Variants in CDC34 observed in about 807,000 individuals in gnomAD.
The protein encoded by CDC34 is cell division cycle 34, ubiquitin conjugating enzyme, also known as ubiquitin-conjugating enzyme E2 R1.
A neutral mutation model predicts 26.8 loss-of-function variants in CDC34; 18 were observed. The observed-to-expected ratio is 0.67, with a 90% CI of 0.47 to 1.00. The LOEUF (loss-of-function observed/expected upper bound fraction) is 1.00, where lower values mean the gene tolerates loss of function less well. Ranked by LOEUF, CDC34 falls within the 50% of genes least tolerant of loss-of-function variation. The pLI is 0.00. For synonymous variants in CDC34, 178 were observed against 147.5 expected (o/e 1.21, Z -1.50); for missense variants, 280 against 334.5 (o/e 0.84, Z 1.27).
intron 4 of CDC34, chr19:541,135 A>G: frequency 1.6e-6 from 1 of 626,216 alleles, no homozygotes; most frequent in Non-Finnish European, 2.6e-6. Context: ...TCCCACCCGC[A>G]CCTCCTGCCC....
intron 1 of CDC34, among the ~76,000 whole-genome samples, chr19:532,769 T>C (rs961127062): frequency 4.6e-5 from 7 of 152,194 alleles, no homozygotes; most frequent in African/African-American, 1.4e-4. Flanking sequence ...CATCCCCTGC[T>C]TTATGTAACC....
chr19:541,041 A>ATT (rs1267157588), intron 4 of CDC34, among the ~76,000 whole-genome samples: 1 of 151,810 alleles, frequency 6.6e-6, no homozygotes, highest in African/African-American at 2.4e-5. Context: ...CGGCATCGTT[A>ATT]TTTTCTCCCA....
At chr19:532,567 G>GC (rs1325217469) in intron 1 of CDC34, among the ~76,000 whole-genome samples, 1 of 152,150 alleles carries the variant, frequency 6.6e-6, no homozygotes, top group African/African-American at 2.4e-5. Flanking sequence ...AGACAAAGAG[G>GC]CCCCCCCAGA....
In CDC34 at chr19:537,903, C is replaced by T. The variant is rs528813518; in HGVS notation, c.497+756C>T. Among the ~76,000 whole-genome samples the T allele has an allele frequency of 1.1e-4, 16 of 152,022 alleles. 1 individual carries two copies. The South Asian group carries it at 2.3e-3, about 22-fold the overall frequency. On this transcript the variant is annotated intron_variant, in intron 4 of 4. Coordinates refer to ENST00000215574, the MANE Select transcript of CDC34 (RefSeq NM_004359.2). Reference sequence around the variant, plus strand: ...AACTCCTGACCTCAGGTGATCCACCCGCCTCGGCCTCCCAAAGTGCTGGGA... The same window carrying T: ...AACTCCTGACCTCAGGTGATCCACCTGCCTCGGCCTCCCAAAGTGCTGGGA...
chr19:531,918 C>G lies in CDC34; in HGVS notation c.-14C>G. The stretch of plus-strand genomic sequence containing the variant: ...CCCCGCGCTGCTCCGACCCCGGGCC[C>G]CTCCGCCGCCGCCATGGCTCGGCCG... On this transcript the variant is annotated 5_prime_UTR_variant, in exon 1 of 5. Coordinates refer to ENST00000215574, the MANE Select transcript of CDC34 (RefSeq NM_004359.2). 7.1e-7 allele frequency: 1 copy of G among 1,408,116 alleles called. No individual in the cohort carries two copies. The highest frequency in any genetic ancestry group is 1.5e-5 in the African/African-American group (1 of 65,344). The allele number at this position is 1,408,116 out of a possible 1,614,324, so 87.2% of individuals were successfully genotyped here. A position where few individuals can be genotyped will look rare whatever the true frequency, so the allele number is the denominator to read the frequency against.
At chr19:534,150 C>T (rs903164823) in intron 1 of CDC34, among the ~76,000 whole-genome samples, 1 of 152,188 alleles carries the variant, frequency 6.6e-6, no homozygotes, top group African/African-American at 2.4e-5. Context: ...TCAAGGATTG[C>T]CGCCTGAAAC....
rs1461686890 is a variant in CDC34 at position 541,700 on chromosome 19, C to G, written c.*148C>G. Reference sequence around the variant, plus strand: ...CTTTTTCTCCCTCCCCATGTCTGTTCTGGGTTTTCACGTGCTTCAGAGAAG... The same window carrying G: ...CTTTTTCTCCCTCCCCATGTCTGTTGTGGGTTTTCACGTGCTTCAGAGAAG... On this transcript the variant is annotated 3_prime_UTR_variant, in exon 5 of 5. Transcript: ENST00000215574. 4.5e-6 allele frequency: 4 copies of G among 888,268 alleles called. No homozygotes were observed. Among genetic ancestry groups the G allele is most frequent in the African/African-American group, 1.7e-5 (1 of 58,716 alleles). 55.0% of individuals were successfully genotyped at this position (888,268 alleles called of 1,614,324 possible).
chr19:541,678 T>C lies in CDC34; in HGVS notation c.*126T>C. On this transcript the variant is annotated 3_prime_UTR_variant, in exon 5 of 5. Transcript: ENST00000215574. The stretch of plus-strand genomic sequence containing the variant: ...TCCTCTGGTTGTTTCGTTTTGGCTT[T>C]TTCTCCCTCCCCATGTCTGTTCTGG... 1 of 1,128,596 alleles carries C rather than the reference T, an allele frequency of 8.9e-7. No homozygotes were observed. The highest frequency in any genetic ancestry group is 1.2e-6 in the Non-Finnish European group (1 of 822,106). 69.9% of individuals were successfully genotyped at this position (1,128,596 alleles called of 1,614,324 possible).
Position 536,426 on chromosome 19 carries a change from C to T in CDC34, c.362+86C>T, listed in dbSNP as rs17841750. 5,792 of 1,076,260 alleles carry T rather than the reference C, an allele frequency of 5.4e-3. 141 individuals carry two copies. In the African/African-American group the frequency reaches 0.063, roughly 12 times the overall value. The allele number at this position is 1,076,260 out of a possible 1,614,324, so 66.7% of individuals were successfully genotyped here. A position where few individuals can be genotyped will look rare whatever the true frequency, so the allele number is the denominator to read the frequency against. On this transcript the variant is annotated intron_variant, in intron 3 of 4. Coordinates refer to ENST00000215574, the MANE Select transcript of CDC34 (RefSeq NM_004359.2). ...TATCCACCCAGACCATCAGGTAGGC[C>T]GGGCTCCCCCACAGGCTGTGGCGCC...
rs1269663966 is a variant in CDC34, at chr19:536,248, G to A, written c.270G>A (p.Gly90=). Residue 90 remains glycine (G), a synonymous_variant, in exon 3 of 5, where the codon GGG becomes GGA. Coordinates refer to ENST00000215574, the MANE Select transcript of CDC34 (RefSeq NM_004359.2). The part of the protein sequence containing the change: ...KMWHPNIYET[G]DVCISILHPP... Reference sequence around the variant, plus strand: ...CCTGTCTTCTTCTTGTGCAGACGGGGGACGTGTGTATCTCCATCCTCCACC... The same window carrying A: ...CCTGTCTTCTTCTTGTGCAGACGGGAGACGTGTGTATCTCCATCCTCCACC... The A allele has an allele frequency of 4.4e-6, 7 of 1,604,586 alleles. No homozygotes were observed. Among genetic ancestry groups the A allele is most frequent in the Non-Finnish European group, 6.0e-6 (7 of 1,176,274 alleles).
intron 1 of CDC34, among the ~76,000 whole-genome samples, chr19:535,594 G>A (rs553149201): frequency 5.3e-5 from 8 of 152,338 alleles, no homozygotes; most frequent in African/African-American, 1.9e-4. Context: ...GCTGGGCCGG[G>A]TCCCGGCCAC....
intron 1 of CDC34, 139 bp downstream of exon 1, chr19:532,247 A>C: frequency 3.4e-6 from 2 of 585,748 alleles, no homozygotes; most frequent in Non-Finnish European, 5.5e-6. Context: ...TTTCCCTTCT[A>C]TGGCCACGTT....
intron 4 of CDC34, chr19:539,051 A>G (rs893022960): frequency 1.0e-6 from 1 of 969,178 alleles, no homozygotes; most frequent in African/African-American, 1.8e-5. Flanking sequence ...CTGTGGGCCA[A>G]CACACATGTG....
At chr19:535,239 C>T (rs983612527) in intron 1 of CDC34, among the ~76,000 whole-genome samples, 2 of 152,338 alleles carry the variant, frequency 1.3e-5, no homozygotes, top group African/African-American at 4.8e-5. Flanking sequence ...TGCCAGGTTT[C>T]TGTGACCTAT....
chr19:541,882 G>GGGGCGCTGCTGGGAACGT lies in CDC34; in HGVS notation c.*336_*353dup, dbSNP rs1192187507. On this transcript the variant is annotated 3_prime_UTR_variant, in exon 5 of 5. Coordinates refer to ENST00000215574, the MANE Select transcript of CDC34 (RefSeq NM_004359.2). ...CTGGCCGCACCCCGGAGGAGCCACG[G>GGGGCGCTGCTGGGAACGT]GGGCGCTGCTGGGAACGTGGGCGGG... The GGGGCGCTGCTGGGAACGT allele has an allele frequency of 9.9e-6, 2 of 202,052 alleles. No homozygotes were observed. The highest frequency in any genetic ancestry group is 2.0e-5 in the Non-Finnish European group (2 of 99,918). The allele number at this position is 202,052 out of a possible 1,614,324, so 12.5% of individuals were successfully genotyped here.
intron 4 of CDC34, among the ~76,000 whole-genome samples, chr19:537,750 G>A (rs936822928): frequency 6.9e-6 from 1 of 144,216 alleles, no homozygotes; most frequent in Non-Finnish European, 1.5e-5. Context: ...CCACTACTCG[G>A]GTTGGAGCAG....
intron 4 of CDC34, among the ~76,000 whole-genome samples, chr19:537,410 TG>T (rs796781117): frequency 3.7e-4 from 57 of 152,278 alleles, no homozygotes; most frequent in African/African-American, 1.3e-3. Flanking sequence ...TGGAGTGCAG[TG>T]GCGCGATCTC....
At chr19:540,041 GC>G (rs746570745) in intron 4 of CDC34, among the ~76,000 whole-genome samples, 18,334 of 78,786 alleles carry the variant, frequency 0.23, 4,965 homozygotes, top group East Asian at 0.48. Context: ...GGGTGGCCAG[GC>G]CCCCCACGTT....
At chr19:538,642 A>G (rs577616744) in intron 4 of CDC34, 13 of 889,170 alleles carry the variant, frequency 1.5e-5, no homozygotes, top group Non-Finnish European at 1.3e-6. Flanking sequence ...CTTTTAAAAT[A>G]TTGCACACAT....
Sources: allele counts gnomAD v4.1 joint callset (sites outside exome capture counted in the v4.1 genomes callset), GRCh38; gene constraint gnomAD v4.1.1; transcripts MANE v1.5; gene names NCBI Gene and HGNC (gene_info 2026-07-23, HGNC 2026-07-21).